Variants in RSPH1 observed in about 807,000 individuals in gnomAD.
RSPH1 encodes radial spoke head 1 homolog.
In RSPH1, 32 loss-of-function variants were observed where a neutral mutation model predicts 44.2. That is an observed-to-expected ratio of 0.72 (90% confidence interval 0.55 to 0.97). The LOEUF (loss-of-function observed/expected upper bound fraction) is 0.97, where lower values mean the gene tolerates loss of function less well. RSPH1 is among the 50% of genes least tolerant of loss of function. The pLI, the probability that RSPH1 is intolerant of heterozygous loss-of-function variation, is 0.00. For synonymous variants in RSPH1, 134 were observed against 147.3 expected (o/e 0.91, Z 0.65); for missense variants, 391 against 398.7 (o/e 0.98, Z 0.16).
At chr21:42,482,569 A>T in intron 6 of RSPH1, 68 bp downstream of exon 6, 1 of 1,157,870 alleles carries the variant, frequency 8.6e-7, no homozygotes, top group Non-Finnish European at 1.3e-6. Flanking sequence ...CCAACCTTGC[A>T]GGATCAATAT....
rs2054252533 is a variant in RSPH1 at position 42,493,065 on chromosome 21, A to AC, written c.68dup (p.Arg24SerfsTer3). 3.1e-6 allele frequency: 5 copies of AC among 1,612,788 alleles called. No homozygotes were observed. In the African/African-American group the frequency reaches 5.4e-5, roughly 17 times the overall value. On this transcript the variant is annotated frameshift_variant, in exon 2 of 9. Transcript: ENST00000291536. LOFTEE classifies it high-confidence loss of function. ...CGTGCCTTTCGCCTGCCTCATTCCG[A>AC]CCCCCCTCATATTCCTGGGTAATGA...
chr21:42,486,864 G>T (rs748939587), intron 3 of RSPH1, among the ~76,000 whole-genome samples: 2 of 152,160 alleles, frequency 1.3e-5, no homozygotes, highest in Non-Finnish European at 2.9e-5. Context: ...GCAACGAGGA[G>T]GGAGACAAAC....
At chr21:42,483,922 C>A (rs141014982) in intron 5 of RSPH1, among the ~76,000 whole-genome samples, 1 of 152,144 alleles carries the variant, frequency 6.6e-6, no homozygotes, top group South Asian at 2.1e-4. Context: ...TAATTTGACA[C>A]GCTTATTGTG....
At chr21:42,496,070 C>A in intron 1 of RSPH1, 63 bp downstream of exon 1, 1 of 1,596,672 alleles carries the variant, frequency 6.3e-7, no homozygotes, top group East Asian at 2.2e-5. Context: ...TCTCCAAACC[C>A]AACCTCGAGG....
intron 3 of RSPH1, among the ~76,000 whole-genome samples, chr21:42,492,545 T>C (rs2054246273): frequency 6.6e-6 from 1 of 152,238 alleles, no homozygotes; most frequent in South Asian, 2.1e-4. Flanking sequence ...GGGACAGATT[T>C]CCCACTACAG....
intron 3 of RSPH1, among the ~76,000 whole-genome samples, chr21:42,491,205 C>A (rs73227540): frequency 2.0e-5 from 3 of 151,938 alleles, no homozygotes; most frequent in Non-Finnish European, 2.9e-5. Context: ...GGGTACCCTC[C>A]GGATCCACAA....
chr21:42,494,967 T>A (rs959057244), intron 1 of RSPH1, among the ~76,000 whole-genome samples: 2 of 152,200 alleles, frequency 1.3e-5, no homozygotes, highest in Admixed American at 1.3e-4. Context: ...CCCAAAGTGC[T>A]GGGATTACAG....
intron 5 of RSPH1, chr21:42,485,447 C>T (rs2054169812): frequency 5.2e-6 from 3 of 573,830 alleles, no homozygotes; most frequent in Non-Finnish European, 9.3e-6. Flanking sequence ...GGAATTTGTA[C>T]TGAGATCCAG....
Position 42,477,381 on chromosome 21 carries a change from G to T in RSPH1, c.637C>A (p.Gln213Lys), listed in dbSNP as rs146298259. Residue 213 changes from glutamine to lysine, a missense_variant, in exon 7 of 9, where the codon CAA (glutamine) becomes AAA (lysine). Physicochemically the swap from Gln to Lys is moderately conservative, Grantham distance 53. Coordinates refer to ENST00000291536, the MANE Select transcript of RSPH1 (RefSeq NM_080860.4). ...GTCCACAGGGCCAATTCAGTGATTTGGGTAGCTTTCCATTTTGGAACAACA... is the reference window on the plus strand; with the variant it reads ...GTCCACAGGGCCAATTCAGTGATTTTGGTAGCTTTCCATTTTGGAACAACA... ...VTVVPKWKATQITELALWTPT... is the reference protein window; with the variant it reads ...VTVVPKWKATKITELALWTPT... 1,419 of 1,612,602 alleles carry T rather than the reference G, an allele frequency of 8.8e-4. 7 individuals are homozygous for T. The highest frequency in any genetic ancestry group is 2.9e-3 in the South Asian group (262 of 91,014).
chr21:42,476,592 C>T (rs563545260), intron 7 of RSPH1, among the ~76,000 whole-genome samples: 1 of 152,282 alleles, frequency 6.6e-6, no homozygotes, highest in East Asian at 1.9e-4. Flanking sequence ...CTGGGTTGGA[C>T]ATGGAGGTGC....
chr21:42,485,384 G>A lies in RSPH1; in HGVS notation c.501+285C>T, dbSNP rs576727320. On this transcript the variant is annotated intron_variant, in intron 5 of 8. Coordinates refer to ENST00000291536, the MANE Select transcript of RSPH1 (RefSeq NM_080860.4). ...AGAAGGAATACACACAAGAGGTTCA[G>A]ATGCCCTCTCGTGTTATATAACAAT... The A allele has an allele frequency of 3.3e-5, 14 of 425,570 alleles. No homozygotes were observed. In the South Asian group the frequency reaches 3.8e-4, roughly 12 times the overall value. 26.4% of individuals were successfully genotyped at this position (425,570 alleles called of 1,614,324 possible).
intron 3 of RSPH1, 130 bp downstream of exon 3, chr21:42,492,628 C>A (rs899859567): frequency 3.2e-6 from 2 of 632,518 alleles, no homozygotes; most frequent in Non-Finnish European, 5.7e-6. Flanking sequence ...GTAACACGAT[C>A]TGTGTTCGTT....
At chr21:42,480,640 CAAAAAAAAAAAA>C (rs780506820) in intron 6 of RSPH1, among the ~76,000 whole-genome samples, 3 of 38,746 alleles carry the variant, frequency 7.7e-5, no homozygotes, top group East Asian at 2.2e-3. Context: ...AACTCCATCT[CAAAAAAAAAAAA>C]AAAAAAAAAA....
At chr21:42,487,467 A>G (rs1008207525) in intron 3 of RSPH1, among the ~76,000 whole-genome samples, 17 of 152,256 alleles carry the variant, frequency 1.1e-4, no homozygotes, top group Non-Finnish European at 2.2e-4. Flanking sequence ...CTCTCTATAG[A>G]AAACATTACA....
chr21:42,488,268 G>A (rs1247863173), intron 3 of RSPH1, among the ~76,000 whole-genome samples: 1 of 152,178 alleles, frequency 6.6e-6, no homozygotes, highest in Non-Finnish European at 1.5e-5. Flanking sequence ...CAAATACCTA[G>A]AGGGATTTGT....
intron 3 of RSPH1, among the ~76,000 whole-genome samples, chr21:42,491,472 TCAA>T (rs927251877): frequency 6.6e-6 from 1 of 151,798 alleles, no homozygotes; most frequent in Non-Finnish European, 1.5e-5. Context: ...TGTGTGTTGT[TCAA>T]ATTGTATCAA....
intron 3 of RSPH1, among the ~76,000 whole-genome samples, chr21:42,489,965 T>C (rs1200538167): frequency 6.6e-6 from 1 of 152,222 alleles, no homozygotes; most frequent in Non-Finnish European, 1.5e-5. Flanking sequence ...AACTTCTTTG[T>C]TTTGATGAGT....
At chr21:42,481,495 G>A (rs112588175) in intron 6 of RSPH1, among the ~76,000 whole-genome samples, 5 of 152,172 alleles carry the variant, frequency 3.3e-5, no homozygotes, top group Non-Finnish European at 7.3e-5. Context: ...GCCGTTCCCC[G>A]GCTTTCTTCA....
At position 42,486,419 on chromosome 21, in the gene RSPH1, T is replaced by G. The variant is rs2054181407; in HGVS notation, c.317A>C (p.Tyr106Ser). 6.2e-7 allele frequency: 1 copy of G among 1,613,958 alleles called. No homozygotes were observed. Among genetic ancestry groups the G allele is most frequent in the Non-Finnish European group, 8.5e-7 (1 of 1,179,952 alleles). Residue 106 changes from tyrosine to serine, a missense_variant, in exon 4 of 9, where the codon TAC becomes TCC. By Grantham distance (144) the Tyr-to-Ser change is moderately radical. Transcript: ENST00000291536. ...AGTGTAGGTGTCATTATTGATGTAG[T>G]AGTATACGCCATGGCCGTGCCGCAG... ...NDLRHGHGVY[Y>S]YINNDTYTGE...
Sources: gnomAD v4.1 joint callset for allele counts (sites outside exome capture counted in the v4.1 genomes callset) on GRCh38, gnomAD v4.1.1 for gene constraint, MANE v1.5 for transcripts, NCBI Gene and HGNC (gene_info 2026-07-23, HGNC 2026-07-21) for gene names.